The following SUDS3 variants were observed in gnomAD, a reference collection of about 807,000 sequenced individuals.
SUDS3 encodes SIN3A corepressor complex component SDS3.
Under a neutral mutation model 53.5 loss-of-function variants are expected in SUDS3, and 23 were observed. That is an observed-to-expected ratio of 0.43 (90% confidence interval 0.31 to 0.61). The LOEUF (loss-of-function observed/expected upper bound fraction) is 0.61. Among genes scored for constraint, SUDS3 ranks in the 20% least tolerant of loss-of-function variants. SUDS3 has a pLI of 0.10. For missense variants in SUDS3, 291 were observed against 405.9 expected (o/e 0.72, Z 2.43); for synonymous variants, 150 against 148.5 (o/e 1.01, Z -0.08).
intron 6 of SUDS3, among the ~76,000 whole-genome samples, chr12:118,393,721 A>G (rs2046188728): frequency 6.6e-6 from 1 of 151,430 alleles, no homozygotes; most frequent in African/African-American, 2.4e-5. Context: ...CCCAGGCTGG[A>G]ATGCAGTGGC....
intron 1 of SUDS3, among the ~76,000 whole-genome samples, chr12:118,378,181 C>T (rs1278438717): frequency 2.0e-5 from 3 of 152,156 alleles, no homozygotes; most frequent in African/African-American, 7.2e-5. Context: ...GTTCTAAGAA[C>T]AATGTTTAAG....
At chr12:118,408,680 AGTTTTTTTTG>A (rs1305516854) in intron 10 of SUDS3, among the ~76,000 whole-genome samples, 1 of 151,378 alleles carries the variant, frequency 6.6e-6, no homozygotes, top group Non-Finnish European at 1.5e-5. Context: ...TAGTTGACAT[AGTTTTTTTTG>A]GTTTTTTTTT....
chr12:118,380,140 C>T lies in SUDS3; in HGVS notation c.143-22C>T. ...CCGTGAATTATGATTTTAACTAGCC[C>T]CTATTTCCTAACTTTATTCAGACAC... On this transcript the variant is annotated intron_variant, in intron 1 of 11. Coordinates refer to ENST00000543473, the MANE Select transcript of SUDS3 (RefSeq NM_022491.3). The T allele has an allele frequency of 3.1e-6, 5 of 1,592,134 alleles. No homozygotes were observed. In the South Asian group the frequency reaches 5.7e-5, roughly 18 times the overall value.
intron 4 of SUDS3, among the ~76,000 whole-genome samples, chr12:118,387,756 G>A (rs1751558831): frequency 6.6e-6 from 1 of 152,044 alleles, no homozygotes; most frequent in South Asian, 2.1e-4. Context: ...TCACCATGTT[G>A]GCCAGGCTGC....
At chr12:118,384,190 T>A in intron 3 of SUDS3, 123 bp downstream of exon 3, 1 of 951,160 alleles carries the variant, frequency 1.1e-6, no homozygotes, top group Non-Finnish European at 1.6e-6. Flanking sequence ...ATCTTAGCTA[T>A]CCAGTACATT....
intron 6 of SUDS3, among the ~76,000 whole-genome samples, chr12:118,392,506 C>T (rs550397713): frequency 6.6e-6 from 1 of 152,340 alleles, no homozygotes; most frequent in East Asian, 1.9e-4. Context: ...TTGAAGGCCT[C>T]TGAAAGCAGC....
At chr12:118,391,000 T>C in intron 5 of SUDS3, 126 bp from the exon 6 acceptor site, 1 of 1,063,742 alleles carries the variant, frequency 9.4e-7, no homozygotes, top group Non-Finnish European at 1.5e-6. Context: ...AGACACACTG[T>C]TACTGCAAGT....
chr12:118,384,810 C>A (rs901709096), intron 3 of SUDS3, among the ~76,000 whole-genome samples: 1 of 148,672 alleles, frequency 6.7e-6, no homozygotes. Context: ...CCAGCATGGG[C>A]GACAAAGCGA....
At chr12:118,392,167 C>T (rs2046173400) in intron 6 of SUDS3, among the ~76,000 whole-genome samples, 1 of 152,162 alleles carries the variant, frequency 6.6e-6, no homozygotes, top group Non-Finnish European at 1.5e-5. Flanking sequence ...TCTGTACATC[C>T]CCAAATTTAA....
chr12:118,391,426 A>G (rs2046166986), intron 6 of SUDS3, 144 bp downstream of exon 6: 2 of 916,252 alleles, frequency 2.2e-6, no homozygotes, highest in African/African-American at 3.3e-5. Flanking sequence ...TTCCTCCTCC[A>G]CCTTCTATTG....
At chr12:118,376,879 G>C in intron 1 of SUDS3, 46 bp downstream of exon 1, 1 of 1,469,852 alleles carries the variant, frequency 6.8e-7, no homozygotes, top group Non-Finnish European at 9.0e-7. Context: ...AGGTGGGACC[G>C]CTGGGGGAGG....
At chr12:118,402,262 T>G in intron 9 of SUDS3, 1 of 534,062 alleles carries the variant, frequency 1.9e-6, no homozygotes, top group Non-Finnish European at 3.3e-6. Flanking sequence ...GATTGATTGA[T>G]TTCCTTCTGT....
intron 2 of SUDS3, among the ~76,000 whole-genome samples, chr12:118,381,108 T>C (rs1290349235): frequency 6.6e-6 from 1 of 152,216 alleles, no homozygotes; most frequent in Non-Finnish European, 1.5e-5. Context: ...ACTGCACTAA[T>C]GTGCTAGACA....
chr12:118,395,367 A>G (rs940193945), intron 6 of SUDS3, among the ~76,000 whole-genome samples: 3 of 151,738 alleles, frequency 2.0e-5, no homozygotes, highest in African/African-American at 7.3e-5. Context: ...CTGGGACTAC[A>G]GGCACCCACC....
At chr12:118,401,687 T>G in intron 7 of SUDS3, 72 bp from the exon 8 acceptor site, 1 of 1,208,284 alleles carries the variant, frequency 8.3e-7, no homozygotes, top group South Asian at 1.3e-5. Flanking sequence ...TCTAAAATAC[T>G]GGTACCATTG....
At chr12:118,412,712 A>C (rs1265528460) in intron 11 of SUDS3, among the ~76,000 whole-genome samples, 1 of 152,172 alleles carries the variant, frequency 6.6e-6, no homozygotes, top group Admixed American at 6.5e-5. Context: ...ATTCTCCTCT[A>C]TGATACCTCA....
At chr12:118,378,509 TCTCA>T (rs1167533125) in intron 1 of SUDS3, among the ~76,000 whole-genome samples, 4 of 148,962 alleles carry the variant, frequency 2.7e-5, no homozygotes, top group East Asian at 4.0e-4. Flanking sequence ...TAAGATGGGG[TCTCA>T]CTCACTCACC....
intron 2 of SUDS3, among the ~76,000 whole-genome samples, chr12:118,381,855 A>G (rs1203460441): frequency 6.6e-6 from 1 of 152,162 alleles, no homozygotes; most frequent in East Asian, 1.9e-4. Flanking sequence ...TATTTAATGT[A>G]TATTTGTTGA....
rs2141398328 is a variant in SUDS3 at position 118,414,566 on chromosome 12, C to T, written c.*133C>T. The T allele has an allele frequency of 2.8e-6, 2 of 705,766 alleles. No individual in the cohort carries two copies. The highest frequency in any genetic ancestry group is 4.4e-6 in the Non-Finnish European group (2 of 450,208). 43.7% of individuals were successfully genotyped at this position (705,766 alleles called of 1,614,324 possible). On this transcript the variant is annotated 3_prime_UTR_variant, in exon 12 of 12. Transcript: ENST00000543473. ...TCAGCCTTGGAAATGGAGAGCACTG[C>T]AGTGAATTCTTTAGGGCACTTTTGT...
Sources: gnomAD v4.1 joint callset for allele counts (sites outside exome capture counted in the v4.1 genomes callset) on GRCh38, gnomAD v4.1.1 for gene constraint, MANE v1.5 for transcripts, NCBI Gene and HGNC (gene_info 2026-07-23, HGNC 2026-07-21) for gene names.